The following SPAST variants were observed in gnomAD, a reference collection of about 807,000 sequenced individuals.
SPAST encodes spastic paraplegia 4 (autosomal dominant; spastin).
A neutral mutation model predicts 76.6 loss-of-function variants in SPAST; 30 were observed. The observed-to-expected ratio is 0.39, with a 90% CI of 0.29 to 0.53. SPAST has a LOEUF of 0.53. SPAST is among the 20% of genes least tolerant of loss of function. SPAST has a pLI of 0.68. For synonymous variants in SPAST, 305 were observed against 281.0 expected (o/e 1.09, Z -0.86); for missense variants, 717 against 770.5 (o/e 0.93, Z 0.82).
intron 1 of SPAST, among the ~76,000 whole-genome samples, chr2:32,077,544 G>A (rs1017316541): frequency 6.6e-6 from 1 of 152,066 alleles, no homozygotes; most frequent in African/African-American, 2.4e-5. Flanking sequence ...TGCTTTTCAG[G>A]TAAGGAGTTT....
rs1325481343 is a variant in SPAST, at chr2:32,071,273, A to G, written c.415+7027A>G. On this transcript the variant is annotated intron_variant, in intron 1 of 16. Coordinates refer to ENST00000315285, the MANE Select transcript of SPAST (RefSeq NM_014946.4). ...GTTTCTCAGGATATTCTAGGGCTAA[A>G]GGATCAGGCATCGAAGACAGAAATT... Among the ~76,000 whole-genome samples the G allele has an allele frequency of 3.3e-5, 5 of 152,230 alleles. No homozygotes were observed. In the South Asian group the frequency reaches 1.0e-3, roughly 32 times the overall value.
At chr2:32,138,280 C>T (rs1186904903) in intron 12 of SPAST, among the ~76,000 whole-genome samples, 2 of 152,206 alleles carry the variant, frequency 1.3e-5, no homozygotes, top group Non-Finnish European at 2.9e-5. Flanking sequence ...ACCAGCAGTA[C>T]ATACGCTCCA....
rs1280472154 is a variant in SPAST, at chr2:32,157,583, A to G, written c.*3087A>G. On this transcript the variant is annotated 3_prime_UTR_variant, in exon 17 of 17. Coordinates refer to ENST00000315285, the MANE Select transcript of SPAST (RefSeq NM_014946.4). ...TCAGAAGAAATGAATTAAAGGGTAC[A>G]GTTGCATAAAGTGGGTTTTTATCCT... is the stretch of plus-strand genomic sequence containing the variant. The G allele has an allele frequency of 6.6e-6, 1 of 152,608 alleles. No individual in the cohort carries two copies. The highest frequency in any genetic ancestry group is 1.5e-5 in the Non-Finnish European group (1 of 68,030). 9.5% of individuals were successfully genotyped at this position (152,608 alleles called of 1,614,324 possible).
At chr2:32,064,650 T>C (rs564971560) in intron 1 of SPAST, among the ~76,000 whole-genome samples, 41 of 152,322 alleles carry the variant, frequency 2.7e-4, no homozygotes, top group African/African-American at 9.6e-4. Context: ...CAGTGCCGCC[T>C]TACTGGCTTT....
intron 1 of SPAST, 113 bp downstream of exon 1, chr2:32,064,359 G>T: frequency 1.0e-6 from 1 of 969,714 alleles, no homozygotes; most frequent in South Asian, 1.5e-5. Flanking sequence ...TGCACCCCCG[G>T]AATTGATATG....
chr2:32,146,083 C>A lies in SPAST; in HGVS notation c.1687+1076C>A, dbSNP rs185530193. ...TACTTTGCAAAATAAAAAATGTAATCTTGAGAGTATATTTTGAAACTCTGG... is the reference window on the plus strand; with the variant it reads ...TACTTTGCAAAATAAAAAATGTAATATTGAGAGTATATTTTGAAACTCTGG... On this transcript the variant is annotated intron_variant, in intron 15 of 16. Transcript: ENST00000315285. Among the ~76,000 whole-genome samples the A allele has an allele frequency of 1.1e-4, 16 of 152,274 alleles. No individual in the cohort carries two copies. The East Asian group carries it at 2.7e-3, about 26-fold the overall frequency.
At chr2:32,142,232 T>C (rs557145036) in intron 13 of SPAST, among the ~76,000 whole-genome samples, 328 of 152,272 alleles carry the variant, frequency 2.2e-3, no homozygotes, top group African/African-American at 7.3e-3. Flanking sequence ...TTTATTTTGG[T>C]GAATAAACAA....
rs543942838 is a variant in SPAST at position 32,124,662 on chromosome 2, A to G, written c.1099-2286A>G. Among the ~76,000 whole-genome samples, 339 of 152,358 alleles carry G rather than the reference A, an allele frequency of 2.2e-3. 2 individuals are homozygous for G. The highest frequency in any genetic ancestry group is 7.9e-3 in the African/African-American group (330 of 41,584). On this transcript the variant is annotated intron_variant, in intron 7 of 16. Coordinates refer to ENST00000315285, the MANE Select transcript of SPAST (RefSeq NM_014946.4). ...AGTCAAGGCATCCATAAGTAGGGGA[A>G]TGGATAAACAGACTTTGGTATATCA...
chr2:32,079,890 A>G (rs36014814), intron 1 of SPAST, among the ~76,000 whole-genome samples: 61,998 of 152,042 alleles, frequency 0.41, 12,963 homozygotes, highest in East Asian at 0.64. Context: ...TAATGTGGCT[A>G]TGAACATTGG....
At chr2:32,092,612 AT>A (rs771214066) in intron 3 of SPAST, among the ~76,000 whole-genome samples, 14 of 152,232 alleles carry the variant, frequency 9.2e-5, no homozygotes, top group Non-Finnish European at 2.1e-4. Context: ...GCATTTAAAG[AT>A]TTAACGTTTT....
chr2:32,096,550 G>T (rs1445024310), intron 3 of SPAST, among the ~76,000 whole-genome samples: 1 of 152,180 alleles, frequency 6.6e-6, no homozygotes, highest in Non-Finnish European at 1.5e-5. Context: ...GTTCACAGAA[G>T]CAATGTACTG....
intron 10 of SPAST, 65 bp from the exon 11 acceptor site, chr2:32,136,812 A>T (rs1679550281): frequency 2.2e-6 from 3 of 1,351,280 alleles, no homozygotes; most frequent in Non-Finnish European, 2.1e-6. Context: ...AGTAAACTAG[A>T]TTAATCTCAG....
intron 4 of SPAST, among the ~76,000 whole-genome samples, chr2:32,106,819 C>A (rs1057126312): frequency 6.6e-6 from 1 of 150,952 alleles, no homozygotes; most frequent in Non-Finnish European, 1.5e-5. Context: ...TTTCAAGTAT[C>A]GATATAAGTA....
intron 4 of SPAST, among the ~76,000 whole-genome samples, chr2:32,108,482 TC>T (rs762551230): frequency 8.3e-4 from 127 of 152,170 alleles, no homozygotes; most frequent in Non-Finnish European, 1.6e-3. Flanking sequence ...GTTATATACA[TC>T]TTTACAAACT....
intron 1 of SPAST, among the ~76,000 whole-genome samples, chr2:32,065,456 G>A (rs1176559013): frequency 1.3e-5 from 2 of 152,172 alleles, no homozygotes; most frequent in South Asian, 4.1e-4. Flanking sequence ...AACTTTGTGA[G>A]ATGAAGGTAT....
chr2:32,104,443 C>T (rs1358183823), intron 4 of SPAST, among the ~76,000 whole-genome samples: 1 of 152,128 alleles, frequency 6.6e-6, no homozygotes, highest in Non-Finnish European at 1.5e-5. Context: ...AGCATTTAGC[C>T]CATTTCCATT....
intron 7 of SPAST, among the ~76,000 whole-genome samples, chr2:32,119,847 T>C (rs530947153): frequency 6.6e-6 from 1 of 152,218 alleles, no homozygotes. Flanking sequence ...TCTGTCCTTA[T>C]TTCATAGATC....
chr2:32,081,807 A>G (rs1677240967), intron 1 of SPAST, among the ~76,000 whole-genome samples: 1 of 148,840 alleles, frequency 6.7e-6, no homozygotes, highest in Admixed American at 6.8e-5. Flanking sequence ...AAAAAAAAGG[A>G]AAGAAAAGTG....
At chr2:32,114,356 A>C (rs970102533) in intron 4 of SPAST, among the ~76,000 whole-genome samples, 18 of 152,092 alleles carry the variant, frequency 1.2e-4, no homozygotes, top group Non-Finnish European at 2.6e-4. Flanking sequence ...TTAAGGCCAC[A>C]ATGAGCTGTG....
Sources: gnomAD v4.1 joint callset for allele counts (sites outside exome capture counted in the v4.1 genomes callset) on GRCh38, gnomAD v4.1.1 for gene constraint, MANE v1.5 for transcripts, NCBI Gene and HGNC (gene_info 2026-07-23, HGNC 2026-07-21) for gene names.